Variants in DDX46 observed in about 807,000 individuals in gnomAD.
The protein encoded by DDX46 is DEAD-box helicase 46, also known as probable ATP-dependent RNA helicase DDX46.
Under a neutral mutation model 134.9 loss-of-function variants are expected in DDX46, and 30 were observed. That is an observed-to-expected ratio of 0.22 (90% CI 0.17 to 0.30). The LOEUF is 0.30. Ranked by LOEUF, DDX46 falls within the 10% of genes least tolerant of loss-of-function variation. DDX46 has a pLI of 1.00. For missense variants in DDX46, 622 were observed against 1,248.7 expected, an observed-to-expected ratio of 0.50 and a Z score of 7.56; for synonymous variants, 415 against 404.1, an observed-to-expected ratio of 1.03 and a Z score of -0.32.
chr5:134,777,788 C>T, intron 6 of DDX46, 63 bp downstream of exon 6: 3 of 1,525,136 alleles, frequency 2.0e-6, no homozygotes, highest in Non-Finnish European at 2.6e-6. Flanking sequence ...TTCTCCATTG[C>T]ATTGTCCTAC....
chr5:134,798,192 TGTTTG>T, intron 15 of DDX46, among the ~76,000 whole-genome samples: 1 of 150,174 alleles, frequency 6.7e-6, no homozygotes, highest in East Asian at 2.0e-4. Flanking sequence ...TTTTTGTTGT[TGTTTG>T]TTTGTTTGTT....
intron 3 of DDX46, among the ~76,000 whole-genome samples, chr5:134,769,875 A>T (rs1753705792): frequency 6.6e-6 from 1 of 152,022 alleles, no homozygotes; most frequent in African/African-American, 2.4e-5. Flanking sequence ...ATTGGCCAGG[A>T]TGGTCTCGAT....
chr5:134,810,452 G>C (rs1161350991), intron 16 of DDX46, among the ~76,000 whole-genome samples: 1 of 151,200 alleles, frequency 6.6e-6, no homozygotes, highest in East Asian at 2.0e-4. Flanking sequence ...TGATTCTCCT[G>C]CATCAGCCTC....
At chr5:134,768,983 G>A (rs994829145) in intron 3 of DDX46, among the ~76,000 whole-genome samples, 15 of 152,090 alleles carry the variant, frequency 9.9e-5, no homozygotes, top group African/African-American at 3.1e-4. Flanking sequence ...ACTTGAAGCC[G>A]GGAGGTGGAG....
chr5:134,768,125 T>A (rs1477310499), intron 3 of DDX46, among the ~76,000 whole-genome samples: 2 of 151,062 alleles, frequency 1.3e-5, no homozygotes, highest in Non-Finnish European at 2.9e-5. Flanking sequence ...TTTTTTTTTT[T>A]AACAGCCAAA....
At chr5:134,777,792 G>T (rs1753993052) in intron 6 of DDX46, 67 bp downstream of exon 6, 1 of 1,505,526 alleles carries the variant, frequency 6.6e-7, no homozygotes, top group African/African-American at 1.4e-5. Flanking sequence ...CCATTGCATT[G>T]TCCTACTGAT....
intron 8 of DDX46, 90 bp from the exon 9 acceptor site, chr5:134,782,855 T>TA: frequency 6.6e-7 from 1 of 1,507,680 alleles, no homozygotes; most frequent in Admixed American, 2.0e-5. Context: ...GCATAAGAGT[T>TA]AAAGTTTGTT....
At chr5:134,828,368 A>G (rs551887179) in intron 22 of DDX46, among the ~76,000 whole-genome samples, 1 of 152,320 alleles carries the variant, frequency 6.6e-6, no homozygotes, top group East Asian at 1.9e-4. Flanking sequence ...AGTGGTCGAA[A>G]AGAATCTTGT....
chr5:134,812,250 A>T (rs1175225422), intron 18 of DDX46, among the ~76,000 whole-genome samples: 1 of 151,718 alleles, frequency 6.6e-6, no homozygotes, highest in Admixed American at 6.6e-5. Flanking sequence ...TTTTTAGTTG[A>T]GGCGGGGTTT....
chr5:134,813,422 G>A (rs1362174002), intron 18 of DDX46, among the ~76,000 whole-genome samples: 1 of 152,168 alleles, frequency 6.6e-6, no homozygotes, highest in Non-Finnish European at 1.5e-5. Context: ...GACTGTTGCT[G>A]GATGATCTGC....
At chr5:134,819,172 T>A (rs1755372644) in intron 21 of DDX46, among the ~76,000 whole-genome samples, 168 bp downstream of exon 21, 1 of 152,208 alleles carries the variant, frequency 6.6e-6, no homozygotes, top group Non-Finnish European at 1.5e-5. Context: ...AGAATTTCAG[T>A]ACATATGCAA....
At chr5:134,811,654 A>G in intron 17 of DDX46, 42 bp from the exon 18 acceptor site, 1 of 1,555,170 alleles carries the variant, frequency 6.4e-7, no homozygotes, top group Non-Finnish European at 8.6e-7. Flanking sequence ...TAAACATTAA[A>G]GTTTTTACTA....
chr5:134,798,783 G>T (rs1249767146), intron 15 of DDX46, among the ~76,000 whole-genome samples: 12 of 152,068 alleles, frequency 7.9e-5, no homozygotes, highest in Admixed American at 7.9e-4. Context: ...TGCTTTCAAG[G>T]TTCATCTGTG....
chr5:134,807,948 A>AT lies in DDX46; in HGVS notation c.2148+8dup. The stretch of plus-strand genomic sequence containing the variant: ...TGGAAGAGCAGGAAACAAGGTAAAA[A>AT]TAAGTTTTTTATAGTTGATCTTCAT... On this transcript the variant is annotated splice_region_variant and intron_variant, in intron 16 of 22. Coordinates refer to ENST00000452510, the MANE Select transcript of DDX46 (RefSeq NM_001300860.2). The AT allele has an allele frequency of 6.3e-7, 1 of 1,581,894 alleles. No homozygotes were observed. Among genetic ancestry groups the AT allele is most frequent in the African/African-American group, 1.4e-5 (1 of 73,956 alleles).
chr5:134,826,810 C>T (rs998366688), intron 21 of DDX46, 137 bp from the exon 22 acceptor site: 2 of 655,784 alleles, frequency 3.0e-6, no homozygotes, highest in African/African-American at 3.7e-5. Flanking sequence ...TTCCACCAGG[C>T]ATTAAATGGC....
intron 15 of DDX46, chr5:134,797,182 AAAAAAAAAAAAAAAACAC>A (rs995038444): frequency 3.5e-6 from 1 of 289,234 alleles, no homozygotes; most frequent in African/African-American, 2.3e-5. Flanking sequence ...AAAAAAAAAA[AAAAAAAAAAAAAAAACAC>A]AAAACACATG....
At chr5:134,763,360 T>C (rs2150128059) in intron 1 of DDX46, among the ~76,000 whole-genome samples, 1 of 152,310 alleles carries the variant, frequency 6.6e-6, no homozygotes, top group East Asian at 1.9e-4. Context: ...CAGGTTTGGC[T>C]TCCCTGCTGT....
At position 134,758,877 on chromosome 5, in the gene DDX46, T is replaced by C; in HGVS notation, c.-62T>C. On this transcript the variant is annotated 5_prime_UTR_variant, in exon 1 of 23. Transcript: ENST00000452510. Reference sequence around the variant, plus strand: ...GGGCGTTGAGGGCAGCTCAGCCTCCTTGTTTGTCCGGTTCGCCTGTGCGTG... The same window carrying C: ...GGGCGTTGAGGGCAGCTCAGCCTCCCTGTTTGTCCGGTTCGCCTGTGCGTG... 4 of 1,613,586 alleles carry C rather than the reference T, an allele frequency of 2.5e-6. No individual in the cohort carries two copies. Among genetic ancestry groups the C allele is most frequent in the Non-Finnish European group, 3.4e-6 (4 of 1,179,708 alleles).
chr5:134,820,256 T>C (rs1239202095), intron 21 of DDX46, among the ~76,000 whole-genome samples: 1 of 152,190 alleles, frequency 6.6e-6, no homozygotes, highest in Non-Finnish European at 1.5e-5. Flanking sequence ...TTATTGGTAT[T>C]TTAAGTGGTT....
Sources: allele counts gnomAD v4.1 joint callset (sites outside exome capture counted in the v4.1 genomes callset), GRCh38; gene constraint gnomAD v4.1.1; transcripts MANE v1.5; gene names NCBI Gene and HGNC (gene_info 2026-07-23, HGNC 2026-07-21).